Variants in TMEM117 observed in about 807,000 individuals in gnomAD.
TMEM117 encodes the protein transmembrane protein 117.
In TMEM117, 27 loss-of-function variants were observed where a neutral mutation model predicts 52.4. The ratio of observed to expected loss-of-function variants is 0.51; its 90% CI spans 0.38 to 0.71. The LOEUF (loss-of-function observed/expected upper bound fraction) is 0.71. Ranked by LOEUF, TMEM117 falls within the 30% of genes least tolerant of loss-of-function variation. The pLI is 0.00. For synonymous variants in TMEM117, 215 were observed against 206.3 expected, an observed-to-expected ratio of 1.04 and a Z score of -0.36; for missense variants, 556 against 630.5, an observed-to-expected ratio of 0.88 and a Z score of 1.26.
chr12:44,247,657 G>A (rs1165254847), intron 5 of TMEM117, among the ~76,000 whole-genome samples: 1 of 152,186 alleles, frequency 6.6e-6, no homozygotes, highest in African/African-American at 2.4e-5. Context: ...ATGAAACCAT[G>A]TTCAGCATCA....
chr12:44,263,150 A>G (rs1375420933), intron 5 of TMEM117, among the ~76,000 whole-genome samples: 1 of 152,206 alleles, frequency 6.6e-6, no homozygotes, highest in African/African-American at 2.4e-5. Flanking sequence ...AGTTAATAAT[A>G]TCGTGAAATA....
the TMEM117 span, among the ~76,000 whole-genome samples, chr12:43,815,633 G>T: frequency 6.6e-6 from 1 of 152,246 alleles, no homozygotes; most frequent in African/African-American, 2.4e-5. Context: ...ACAAGGTGAA[G>T]AACCCAAAGC....
Position 44,078,080 on chromosome 12 carries a change from T to A in TMEM117, c.411-65445T>A, listed in dbSNP as rs527998330. ...AAGGCAAATTACAGGAATTAAGTAA[T>A]CATAACTTCTGTGTTGATAAAAACT... On this transcript the variant is annotated intron_variant, in intron 3 of 7. Coordinates refer to ENST00000266534, the MANE Select transcript of TMEM117 (RefSeq NM_032256.3). 2.6e-5 allele frequency among the ~76,000 whole-genome samples: 4 copies of A among 152,284 alleles called. No homozygotes were observed. In the East Asian group the frequency reaches 7.7e-4, roughly 29 times the overall value.
At chr12:43,804,661 GAA>G in the TMEM117 span, 3 of 852,022 alleles carry the variant, frequency 3.5e-6, no homozygotes. Flanking sequence ...AGAATACAAA[GAA>G]AAAATCTGGA....
At chr12:43,829,286 C>T in the TMEM117 span, among the ~76,000 whole-genome samples, 25 of 152,298 alleles carry the variant, frequency 1.6e-4, no homozygotes, top group Non-Finnish European at 3.1e-4. Flanking sequence ...CATTTAGCCC[C>T]GATCATCTGT....
intron 3 of TMEM117, among the ~76,000 whole-genome samples, chr12:44,022,443 A>T (rs1183045003): frequency 6.6e-6 from 1 of 152,206 alleles, no homozygotes; most frequent in Non-Finnish European, 1.5e-5. Context: ...TCAAATGAGG[A>T]TAACAATACT....
intron 3 of TMEM117, among the ~76,000 whole-genome samples, chr12:44,011,980 G>C (rs1308530492): frequency 6.6e-6 from 1 of 152,124 alleles, no homozygotes; most frequent in African/African-American, 2.4e-5. Flanking sequence ...ACTTAGAATG[G>C]TGCATAGTTT....
At chr12:43,947,872 T>C (rs1355587879) in intron 3 of TMEM117, among the ~76,000 whole-genome samples, 1 of 152,176 alleles carries the variant, frequency 6.6e-6, no homozygotes, top group African/African-American at 2.4e-5. Flanking sequence ...CTGTAGGGTT[T>C]CCAAGGGGAA....
At chr12:44,309,464 G>A (rs1317914888) in intron 6 of TMEM117, among the ~76,000 whole-genome samples, 1 of 152,086 alleles carries the variant, frequency 6.6e-6, no homozygotes, top group Non-Finnish European at 1.5e-5. Flanking sequence ...GACCATATGA[G>A]AACACTGCAC....
the TMEM117 span, among the ~76,000 whole-genome samples, chr12:43,823,594 C>T: frequency 1.3e-5 from 2 of 152,138 alleles, no homozygotes; most frequent in Non-Finnish European, 2.9e-5. Context: ...ACTGCAACTT[C>T]CGCCTCCCAG....
chr12:43,943,301 T>C (rs1194684400), intron 2 of TMEM117, among the ~76,000 whole-genome samples: 9 of 151,918 alleles, frequency 5.9e-5, no homozygotes, highest in Non-Finnish European at 1.3e-4. Context: ...GTAAGTATAA[T>C]AGACACGGTT....
chr12:43,805,939 C>T, the TMEM117 span: 5 of 1,529,382 alleles, frequency 3.3e-6, no homozygotes, highest in African/African-American at 2.7e-5. Context: ...GTGGAAGGCA[C>T]GCCCCCTTCA....
At chr12:44,091,358 T>A (rs1947668539) in intron 3 of TMEM117, among the ~76,000 whole-genome samples, 1 of 152,174 alleles carries the variant, frequency 6.6e-6, no homozygotes, top group Admixed American at 6.5e-5. Flanking sequence ...TCAACTTTCT[T>A]GTTGGCAGAA....
At chr12:43,819,567 G>A in the TMEM117 span, among the ~76,000 whole-genome samples, 1 of 152,142 alleles carries the variant, frequency 6.6e-6, no homozygotes, top group African/African-American at 2.4e-5. Context: ...GAGGTCAAGA[G>A]GTCGAGGCCA....
At chr12:44,204,213 TA>T (rs1353347151) in intron 4 of TMEM117, among the ~76,000 whole-genome samples, 2 of 152,122 alleles carry the variant, frequency 1.3e-5, no homozygotes, top group Non-Finnish European at 2.9e-5. Flanking sequence ...ACAATTTCTG[TA>T]AAGTTTCAGG....
At chr12:43,810,845 G>T in the TMEM117 span, among the ~76,000 whole-genome samples, 1 of 152,204 alleles carries the variant, frequency 6.6e-6, no homozygotes, top group Admixed American at 6.5e-5. Context: ...CAATGTATCT[G>T]TTATGTTTTT....
At position 44,123,966 on chromosome 12, in the gene TMEM117, G is replaced by T. The variant is rs370520296; in HGVS notation, c.411-19559G>T. Among the ~76,000 whole-genome samples the T allele has an allele frequency of 3.3e-5, 5 of 152,104 alleles. No homozygotes were observed. The East Asian group carries it at 5.8e-4, about 18-fold the overall frequency. On this transcript the variant is annotated intron_variant, in intron 3 of 7. Transcript: ENST00000266534. ...TGTCAATGGTAATTTAATGGGAATA[G>T]AATTTAATCTATAAATTGTTTTGGG... is the stretch of plus-strand genomic sequence containing the variant.
chr12:43,868,032 GATAAA>G (rs768848224), intron 2 of TMEM117, among the ~76,000 whole-genome samples: 2 of 151,918 alleles, frequency 1.3e-5, no homozygotes, highest in Non-Finnish European at 2.9e-5. Flanking sequence ...ATTTTCAAAA[GATAAA>G]ATAATACAAA....
Position 43,836,956 on chromosome 12 carries a change from T to C in TMEM117, c.-29+760T>C, listed in dbSNP as rs182038015. ...TATTGTCTGAAATCCAAGGAAGGAC[T>C]TCTAGGAAGCTACAGGGTTTTGTTT... On this transcript the variant is annotated intron_variant, in intron 1 of 7. Coordinates refer to ENST00000266534, the MANE Select transcript of TMEM117 (RefSeq NM_032256.3). Among the ~76,000 whole-genome samples, 12 of 152,312 alleles carry C rather than the reference T, an allele frequency of 7.9e-5. No individual in the cohort carries two copies. The East Asian group carries it at 2.3e-3, about 29-fold the overall frequency.
Sources: gnomAD v4.1 joint callset for allele counts (sites outside exome capture counted in the v4.1 genomes callset) on GRCh38, gnomAD v4.1.1 for gene constraint, MANE v1.5 for transcripts, NCBI Gene and HGNC (gene_info 2026-07-23, HGNC 2026-07-21) for gene names.